The following KIF16B variants were observed in gnomAD, a reference collection of about 807,000 sequenced individuals.
KIF16B encodes kinesin-like protein KIF16B.
In KIF16B, 98 loss-of-function variants were observed where a neutral mutation model predicts 156.3. The observed-to-expected ratio is 0.63, with a 90% CI of 0.53 to 0.74. The LOEUF is 0.74. KIF16B is among the 30% of genes least tolerant of loss of function. KIF16B has a pLI of 0.00. For missense variants in KIF16B, 1,421 were observed against 1,606.5 expected (o/e 0.88, Z 1.97); for synonymous variants, 564 against 583.7 (o/e 0.97, Z 0.49).
chr20:16,317,852 A>C (rs1421029802), intron 24 of KIF16B, among the ~76,000 whole-genome samples: 1 of 152,184 alleles, frequency 6.6e-6, no homozygotes, highest in African/African-American at 2.4e-5. Context: ...ATGCAATTCC[A>C]CTCAAGGAGG....
chr20:16,364,339 G>T (rs2064613006), intron 22 of KIF16B, among the ~76,000 whole-genome samples: 1 of 152,200 alleles, frequency 6.6e-6, no homozygotes, highest in Non-Finnish European at 1.5e-5. Flanking sequence ...AATGTATTAA[G>T]AAGTCCCACA....
chr20:16,285,188 C>A (rs914509242), intron 25 of KIF16B, among the ~76,000 whole-genome samples: 7 of 152,160 alleles, frequency 4.6e-5, no homozygotes, highest in African/African-American at 1.7e-4. Flanking sequence ...TACTGGATAG[C>A]ACAGTTCTAC....
chr20:16,337,015 C>T (rs2064050708), intron 23 of KIF16B, among the ~76,000 whole-genome samples: 1 of 152,160 alleles, frequency 6.6e-6, no homozygotes, highest in African/African-American at 2.4e-5. Context: ...CAAATCTAAC[C>T]ATTTGATTTG....
At chr20:16,392,010 C>T (rs977726848) in intron 17 of KIF16B, among the ~76,000 whole-genome samples, 3 of 152,176 alleles carry the variant, frequency 2.0e-5, no homozygotes, top group Non-Finnish European at 4.4e-5. Context: ...TGGTGTCAAC[C>T]GATGTCCATC....
intron 17 of KIF16B, among the ~76,000 whole-genome samples, chr20:16,389,109 G>C (rs1240233175): frequency 6.6e-6 from 1 of 152,102 alleles, no homozygotes; most frequent in East Asian, 1.9e-4. Context: ...TATCTCAGTG[G>C]GCACATGATC....
intron 1 of KIF16B, among the ~76,000 whole-genome samples, chr20:16,541,652 T>A (rs1330011733): frequency 1.3e-5 from 2 of 152,194 alleles, no homozygotes; most frequent in Non-Finnish European, 2.9e-5. Context: ...CAGGTTGGGA[T>A]CCCAGAGAAG....
At chr20:16,490,602 A>C (rs1300888048) in intron 12 of KIF16B, among the ~76,000 whole-genome samples, 5 of 152,116 alleles carry the variant, frequency 3.3e-5, no homozygotes, top group African/African-American at 7.2e-5. Context: ...ACACAGGGAG[A>C]CCAAGTTGCA....
intron 13 of KIF16B, among the ~76,000 whole-genome samples, chr20:16,429,594 C>T (rs757845528): frequency 6.6e-6 from 1 of 152,124 alleles, no homozygotes; most frequent in South Asian, 2.1e-4. Flanking sequence ...GTCTGTGTGC[C>T]TTTTTGTTCC....
intron 24 of KIF16B, among the ~76,000 whole-genome samples, chr20:16,312,888 G>A (rs1306843023): frequency 1.3e-5 from 2 of 150,582 alleles, no homozygotes; most frequent in Admixed American, 6.6e-5. Context: ...TATTGCTAAG[G>A]TTCTCTAAAT....
intron 3 of KIF16B, among the ~76,000 whole-genome samples, chr20:16,524,946 T>C (rs1439293341): frequency 6.6e-6 from 1 of 152,138 alleles, no homozygotes; most frequent in Non-Finnish European, 1.5e-5. Context: ...AAACACCAGA[T>C]GTTCTCACTC....
intron 15 of KIF16B, among the ~76,000 whole-genome samples, chr20:16,423,209 A>G (rs1000867883): frequency 6.6e-6 from 1 of 152,176 alleles, no homozygotes; most frequent in African/African-American, 2.4e-5. Context: ...ACCCAGGTGT[A>G]TTAAACAAAT....
At chr20:16,417,740 TC>T (rs1454613990) in intron 15 of KIF16B, among the ~76,000 whole-genome samples, 1 of 151,750 alleles carries the variant, frequency 6.6e-6, no homozygotes, top group African/African-American at 2.4e-5. Flanking sequence ...AATAAAAAAC[TC>T]ATTGGTAGGC....
chr20:16,438,382 TA>T (rs2066705335), intron 12 of KIF16B, among the ~76,000 whole-genome samples: 2 of 152,198 alleles, frequency 1.3e-5, no homozygotes, highest in African/African-American at 4.8e-5. Context: ...TTTATTACAG[TA>T]TAATGTTATC....
At chr20:16,441,556 T>C (rs997701977) in intron 12 of KIF16B, among the ~76,000 whole-genome samples, 2 of 152,162 alleles carry the variant, frequency 1.3e-5, no homozygotes, top group African/African-American at 4.8e-5. Context: ...TTTTTTGAAA[T>C]GTCAAAATAT....
chr20:16,318,236 T>C (rs1197326725), intron 24 of KIF16B, among the ~76,000 whole-genome samples: 3 of 152,056 alleles, frequency 2.0e-5, no homozygotes, highest in Non-Finnish European at 4.4e-5. Context: ...TGAGGTGACA[T>C]TGAATGAAAC....
At chr20:16,336,946 C>T (rs1411668713) in intron 23 of KIF16B, among the ~76,000 whole-genome samples, 1 of 152,198 alleles carries the variant, frequency 6.6e-6, no homozygotes, top group African/African-American at 2.4e-5. Context: ...AACTGTCCAC[C>T]CCACATCTGC....
intron 17 of KIF16B, among the ~76,000 whole-genome samples, chr20:16,382,293 C>A (rs2065117077): frequency 6.6e-6 from 1 of 152,146 alleles, no homozygotes; most frequent in African/African-American, 2.4e-5. Flanking sequence ...TCACATTTCC[C>A]AATAATTTCA....
At chr20:16,489,323 G>A (rs528214267) in intron 12 of KIF16B, among the ~76,000 whole-genome samples, 48 of 152,216 alleles carry the variant, frequency 3.2e-4, no homozygotes, top group African/African-American at 1.0e-3. Flanking sequence ...AGAAAAGGGC[G>A]GCCCACAGGG....
At position 16,494,344 on chromosome 20, in the gene KIF16B, C is replaced by T; in HGVS notation, c.1249G>A (p.Glu417Lys). 1 of 1,593,294 alleles carries T rather than the reference C, an allele frequency of 6.3e-7. No homozygotes were observed. Among genetic ancestry groups the T allele is most frequent in the South Asian group, 1.1e-5 (1 of 87,258 alleles). The change falls in exon 12 of 26, where the codon GAA becomes AAA. Residue 417 changes from glutamate (E) to lysine (K), a missense_variant. Glu to Lys is a moderately conservative substitution (Grantham distance 56). Coordinates refer to ENST00000354981, the MANE Select transcript of KIF16B (RefSeq NM_024704.5). ...TTATTTGTCCATTCCTTGGTCAATT[C>T]TTGAACCTGAAAAGAAAAATATACA... Reference protein sequence around the residue: ...KLQQNEARVQELTKEWTNKWN... With the variant: ...KLQQNEARVQKLTKEWTNKWN...
Sources: gnomAD v4.1 joint callset for allele counts (sites outside exome capture counted in the v4.1 genomes callset) on GRCh38, gnomAD v4.1.1 for gene constraint, MANE v1.5 for transcripts, NCBI Gene and HGNC (gene_info 2026-07-23, HGNC 2026-07-21) for gene names.